The following TUT7 variants were observed in gnomAD, a reference collection of about 807,000 sequenced individuals.
TUT7 encodes the protein terminal uridylyltransferase 7.
In TUT7, 33 loss-of-function variants were observed where a neutral mutation model predicts 165.9. That is an observed-to-expected ratio of 0.20 (90% CI 0.15 to 0.27). The LOEUF (loss-of-function observed/expected upper bound fraction) is 0.27. Ranked by LOEUF, TUT7 falls within the 10% of genes least tolerant of loss-of-function variation. The pLI, the probability that TUT7 is intolerant of heterozygous loss-of-function variation, is 1.00. For missense variants in TUT7, 1,338 were observed against 1,762.3 expected (o/e 0.76, Z 4.31); for synonymous variants, 552 against 608.1 (o/e 0.91, Z 1.36).
At chr9:86,303,038 A>G (rs760803353) in intron 25 of TUT7, 48 bp downstream of exon 25, 19 of 844,458 alleles carry the variant, frequency 2.2e-5, no homozygotes, top group Non-Finnish European at 3.5e-5. Context: ...AAAAATTGGG[A>G]CATTAAGAAA....
At chr9:86,292,367 G>A (rs1300133669) in intron 26 of TUT7, among the ~76,000 whole-genome samples, 3 of 152,068 alleles carry the variant, frequency 2.0e-5, no homozygotes, top group Non-Finnish European at 4.4e-5. Flanking sequence ...TACTTGGGAG[G>A]CTGAGGCAGA....
intron 5 of TUT7, among the ~76,000 whole-genome samples, chr9:86,344,218 T>C (rs1422283933): frequency 1.3e-5 from 2 of 152,168 alleles, no homozygotes; most frequent in South Asian, 4.1e-4. Flanking sequence ...TAGTTGTCCA[T>C]GGCTTCACAG....
Position 86,290,779 on chromosome 9 carries a change from C to T in TUT7, c.4421-2035G>A, listed in dbSNP as rs554463193. Among the ~76,000 whole-genome samples the T allele has an allele frequency of 5.0e-3, 762 of 151,560 alleles. 5 individuals carry two copies. Among genetic ancestry groups the T allele is most frequent in the African/African-American group, 0.018 (725 of 41,302 alleles). ...GGAAGGCTGAGGCAGGAGAATTGCT[C>T]GAACCCAGGAGTGGAGGTTGCAGTA... On this transcript the variant is annotated intron_variant, in intron 26 of 26. Coordinates refer to ENST00000375963, the MANE Select transcript of TUT7 (RefSeq NM_024617.4).
chr9:86,307,544 TA>T (rs1159545494), intron 22 of TUT7, among the ~76,000 whole-genome samples: 2 of 152,244 alleles, frequency 1.3e-5, no homozygotes, highest in African/African-American at 4.8e-5. Context: ...GATAAACATT[TA>T]AAAATCTTAT....
chr9:86,326,022 T>C (rs1829755969), intron 11 of TUT7, among the ~76,000 whole-genome samples: 1 of 152,244 alleles, frequency 6.6e-6, no homozygotes, highest in Non-Finnish European at 1.5e-5. Flanking sequence ...CAAATAACTC[T>C]TGCCATCAGA....
In TUT7 at chr9:86,288,703, C is replaced by T. The variant is rs761811843; in HGVS notation, c.4462G>A (p.Ala1488Thr). ...SKYMTQGKAS[A>T]KRTQQES The stretch of plus-strand genomic sequence containing the variant: ...CATGATTCCTGCTGGGTCCTCTTCG[C>T]TGAGGCTTTTCCCTGAGTCATATAT... The change falls in exon 27 of 27, where the codon GCG (alanine) becomes ACG (threonine). Residue 1488 changes from alanine (A) to threonine (T), a missense_variant. Transcript: ENST00000375963. 5 of 1,613,788 alleles carry T rather than the reference C, an allele frequency of 3.1e-6. No individual in the cohort carries two copies. The Admixed American group carries it at 8.3e-5, about 27-fold the overall frequency.
intron 6 of TUT7, 109 bp from the exon 7 acceptor site, chr9:86,341,162 A>G: frequency 3.5e-6 from 3 of 859,212 alleles, no homozygotes; most frequent in South Asian, 2.8e-5. Flanking sequence ...AGAAATGCAC[A>G]TTGCTATCAA....
At chr9:86,346,538 A>C in intron 2 of TUT7, 58 bp from the exon 3 acceptor site, 1 of 1,521,596 alleles carries the variant, frequency 6.6e-7, no homozygotes, top group Non-Finnish European at 9.0e-7. Flanking sequence ...CCTGAGTAAA[A>C]AGCAGACCTT....
chr9:86,345,908 C>T (rs1831715058), intron 3 of TUT7, 123 bp from the exon 4 acceptor site: 1 of 715,952 alleles, frequency 1.4e-6, no homozygotes, highest in Non-Finnish European at 2.3e-6. Flanking sequence ...AGGAGTCTCA[C>T]TATGTTGCCC....
In TUT7 at chr9:86,323,592, G is replaced by A; in HGVS notation, c.2158C>T (p.His720Tyr). The change falls in exon 13 of 27, where the codon CAC becomes TAC. Residue 720 changes from histidine (H) to tyrosine (Y), a missense_variant. Coordinates refer to ENST00000375963, the MANE Select transcript of TUT7 (RefSeq NM_024617.4). ...TGGATACAGTCTGAGTTTTCAGGGT[G>A]GACACTGATGTGTTCATTTCCCATT... ...EEMGNEHISV[H>Y]PENSDCIQAD... 6.2e-7 allele frequency: 1 copy of A among 1,614,152 alleles called. No individual in the cohort carries two copies. Among genetic ancestry groups the A allele is most frequent in the African/African-American group, 1.3e-5 (1 of 75,030 alleles).
chr9:86,309,997 A>C lies in TUT7; in HGVS notation c.3399T>G (p.Leu1133=). The C allele has an allele frequency of 6.2e-7, 1 of 1,613,834 alleles. No individual in the cohort carries two copies. ...YNTLALHNTR[L]LSAYSAIDPR... is the part of the protein sequence containing the mutation. ...GATCAATGGCGGAATAAGCAGATAA[A>C]AGCCTTGTGTTATGAAGGGCCTGTT... Residue 1133 remains leucine (L), a synonymous_variant, in exon 19 of 27, where the codon CTT becomes CTG. Coordinates refer to ENST00000375963, the MANE Select transcript of TUT7 (RefSeq NM_024617.4).
At chr9:86,301,874 C>T (rs1251986859) in intron 25 of TUT7, 1 of 984,096 alleles carries the variant, frequency 1.0e-6, no homozygotes, top group Non-Finnish European at 1.2e-6. Flanking sequence ...TGGCTGAATG[C>T]CTACTTTGAC....
At chr9:86,322,840 C>T in intron 13 of TUT7, 33 bp downstream of exon 13, 1 of 1,536,548 alleles carries the variant, frequency 6.5e-7, no homozygotes, top group Non-Finnish European at 8.7e-7. Context: ...CTTAAAGTCT[C>T]CTAGTTCTAT....
intron 26 of TUT7, among the ~76,000 whole-genome samples, chr9:86,299,135 A>G (rs1461644231): frequency 6.6e-6 from 1 of 152,172 alleles, no homozygotes; most frequent in East Asian, 1.9e-4. Flanking sequence ...GAGAGCACTC[A>G]GGGAGCAGCT....
At chr9:86,353,298 C>A in intron 1 of TUT7, 68 bp from the exon 2 acceptor site, 7 of 1,311,100 alleles carry the variant, frequency 5.3e-6, no homozygotes, top group Non-Finnish European at 6.2e-6. Context: ...TACAAAATAA[C>A]AATTTATCGT....
chr9:86,302,070 T>A (rs1204203639), intron 25 of TUT7, among the ~76,000 whole-genome samples: 14 of 152,196 alleles, frequency 9.2e-5, no homozygotes, highest in Admixed American at 7.2e-4. Context: ...ATCCTAATAA[T>A]CACTGATTTT....
chr9:86,348,380 G>A (rs985643656), intron 2 of TUT7, among the ~76,000 whole-genome samples: 2 of 152,174 alleles, frequency 1.3e-5, no homozygotes, highest in Non-Finnish European at 2.9e-5. Flanking sequence ...TACAGATGGG[G>A]ACAATGCGAA....
chr9:86,346,800 G>A lies in TUT7; in HGVS notation c.521-320C>T, dbSNP rs117980671. Among the ~76,000 whole-genome samples the A allele has an allele frequency of 9.0e-4, 137 of 152,104 alleles. 1 individual carries two copies. In the East Asian group the frequency reaches 0.02, roughly 22 times the overall value. ...AGCAACAGAAAAATTATACTCTGAA[G>A]GCAAGTATATCTATAATTCTATTAT... On this transcript the variant is annotated intron_variant, in intron 2 of 26. Coordinates refer to ENST00000375963, the MANE Select transcript of TUT7 (RefSeq NM_024617.4).
chr9:86,335,023 T>C (rs1305842706), intron 10 of TUT7, among the ~76,000 whole-genome samples: 2 of 152,210 alleles, frequency 1.3e-5, no homozygotes, highest in African/African-American at 4.8e-5. Context: ...TAGTTGTTAT[T>C]TGCAGAAGGA....
Sources: allele counts gnomAD v4.1 joint callset (sites outside exome capture counted in the v4.1 genomes callset), GRCh38; gene constraint gnomAD v4.1.1; transcripts MANE v1.5; gene names NCBI Gene and HGNC (gene_info 2026-07-23, HGNC 2026-07-21).